The following PLAC8 variants were observed in gnomAD, a reference collection of about 807,000 sequenced individuals.
The protein encoded by PLAC8 is placenta associated 8, also known as placenta-specific gene 8 protein.
PLAC8 carries 6 observed loss-of-function variants against 12.6 expected under a neutral mutation model. The observed-to-expected ratio is 0.48, with a 90% confidence interval of 0.26 to 0.94. The LOEUF (loss-of-function observed/expected upper bound fraction) is 0.94. Among genes scored for constraint, PLAC8 ranks in the 40% least tolerant of loss-of-function variants. The pLI, the probability that PLAC8 is intolerant of heterozygous loss-of-function variation, is 0.14. For missense variants in PLAC8, 122 were observed against 152.7 expected, an observed-to-expected ratio of 0.80 and a Z score of 1.06; for synonymous variants, 54 against 52.6, an observed-to-expected ratio of 1.03 and a Z score of -0.11.
chr4:83,101,213 A>T (rs750035322), intron 3 of PLAC8, among the ~76,000 whole-genome samples: 1 of 152,140 alleles, frequency 6.6e-6, no homozygotes, highest in South Asian at 2.1e-4. Context: ...TCCCGTCTCT[A>T]CTAAAAATAC....
intron 1 of PLAC8, chr4:83,109,720 C>T (rs1451586758): frequency 1.3e-5 from 2 of 152,164 alleles, no homozygotes; most frequent in Non-Finnish European, 2.9e-5. Flanking sequence ...GGTGGGTGGG[C>T]TTCTTACCTT....
intron 1 of PLAC8, among the ~76,000 whole-genome samples, chr4:83,109,084 G>C (rs1164695167): frequency 1.3e-5 from 2 of 152,130 alleles, no homozygotes; most frequent in African/African-American, 4.8e-5. Context: ...ATTAGATTCG[G>C]AGTGAGAGCA....
intron 2 of PLAC8, among the ~76,000 whole-genome samples, chr4:83,106,928 G>A (rs747533840): frequency 7.2e-5 from 11 of 152,132 alleles, no homozygotes; most frequent in Non-Finnish European, 1.5e-5. Context: ...GCCTGGGTGC[G>A]GTGGCTCACG....
intron 3 of PLAC8, among the ~76,000 whole-genome samples, chr4:83,098,394 A>T (rs1166414137): frequency 2.0e-5 from 3 of 152,224 alleles, no homozygotes; most frequent in African/African-American, 4.8e-5. Flanking sequence ...TTTTCTTAGA[A>T]AATGGATCTT....
intron 2 of PLAC8, among the ~76,000 whole-genome samples, chr4:83,106,137 C>T (rs1732234000): frequency 6.6e-6 from 1 of 151,856 alleles, no homozygotes; most frequent in Non-Finnish European, 1.5e-5. Context: ...GTAGCTGGGA[C>T]TACAGGCACC....
intron 3 of PLAC8, among the ~76,000 whole-genome samples, chr4:83,101,224 A>C (rs1732092951): frequency 6.6e-6 from 1 of 152,104 alleles, no homozygotes; most frequent in African/African-American, 2.4e-5. Flanking sequence ...CTAAAAATAC[A>C]AAAAAATTAG....
intron 3 of PLAC8, among the ~76,000 whole-genome samples, chr4:83,101,947 C>T (rs2126141781): frequency 6.6e-6 from 1 of 152,258 alleles, no homozygotes; most frequent in East Asian, 1.9e-4. Flanking sequence ...CCTATACTCA[C>T]AAAGAAAGAT....
intron 1 of PLAC8, among the ~76,000 whole-genome samples, chr4:83,109,475 G>T (rs1253900810): frequency 6.6e-6 from 1 of 152,224 alleles, no homozygotes; most frequent in Non-Finnish European, 1.5e-5. Flanking sequence ...AAACCAGGGG[G>T]TCCGGCTGAG....
intron 1 of PLAC8, among the ~76,000 whole-genome samples, chr4:83,113,072 A>G (rs1732459769): frequency 6.6e-6 from 1 of 152,216 alleles, no homozygotes; most frequent in Non-Finnish European, 1.5e-5. Context: ...GAATCTGTAC[A>G]ATGTAGAATT....
At chr4:83,101,425 A>G (rs1578739465) in intron 3 of PLAC8, among the ~76,000 whole-genome samples, 1 of 152,330 alleles carries the variant, frequency 6.6e-6, no homozygotes, top group South Asian at 2.1e-4. Flanking sequence ...CTGCAAAAGA[A>G]AAGTCTGAAG....
chr4:83,103,912 C>G (rs1022247750), intron 3 of PLAC8, among the ~76,000 whole-genome samples: 1 of 152,148 alleles, frequency 6.6e-6, no homozygotes, highest in African/African-American at 2.4e-5. Flanking sequence ...AAGTGATCAG[C>G]CCTCCTGGGC....
intron 3 of PLAC8, 36 bp downstream of exon 3, chr4:83,104,860 G>A: frequency 6.2e-7 from 1 of 1,603,640 alleles, no homozygotes; most frequent in Non-Finnish European, 8.5e-7. Flanking sequence ...TGAATGGGGT[G>A]CATATTTGAG....
At chr4:83,106,479 G>A (rs1279355876) in intron 2 of PLAC8, among the ~76,000 whole-genome samples, 1 of 151,896 alleles carries the variant, frequency 6.6e-6, no homozygotes, top group African/African-American at 2.4e-5. Context: ...TTGGCTGGGT[G>A]TGGTTGTGCG....
chr4:83,112,793 A>T (rs1326574935), intron 1 of PLAC8, among the ~76,000 whole-genome samples: 1 of 152,220 alleles, frequency 6.6e-6, no homozygotes, highest in Non-Finnish European at 1.5e-5. Flanking sequence ...CAAATGTAAA[A>T]TTGTTGCTTG....
chr4:83,105,163 A>G, intron 2 of PLAC8, 143 bp from the exon 3 acceptor site: 1 of 895,214 alleles, frequency 1.1e-6, no homozygotes, highest in Non-Finnish European at 1.8e-6. Flanking sequence ...CAATGTTTCT[A>G]TTCAGCTTTG....
intron 1 of PLAC8, among the ~76,000 whole-genome samples, chr4:83,108,403 G>A (rs1378390855): frequency 6.6e-6 from 1 of 152,112 alleles, no homozygotes; most frequent in East Asian, 1.9e-4. Flanking sequence ...GACCAGCCTG[G>A]CCAGTATGGC....
chr4:83,098,297 A>T (rs995925489), intron 3 of PLAC8, among the ~76,000 whole-genome samples: 16 of 152,252 alleles, frequency 1.1e-4, no homozygotes, highest in African/African-American at 3.1e-4. Flanking sequence ...GCTAAAAAAA[A>T]TTATTTAGCA....
intron 3 of PLAC8, among the ~76,000 whole-genome samples, chr4:83,100,916 C>T (rs1465533568): frequency 1.3e-5 from 2 of 152,142 alleles, no homozygotes; most frequent in Non-Finnish European, 2.9e-5. Flanking sequence ...CATGCTACTC[C>T]GGTGAACATA....
intron 1 of PLAC8, among the ~76,000 whole-genome samples, chr4:83,108,186 C>T (rs1177622496): frequency 1.3e-5 from 2 of 150,966 alleles, no homozygotes; most frequent in Admixed American, 6.6e-5. Context: ...CTTTAAAGGC[C>T]CACTTTAGGG....
Sources: gnomAD v4.1 joint callset for allele counts (sites outside exome capture counted in the v4.1 genomes callset) on GRCh38, gnomAD v4.1.1 for gene constraint, MANE v1.5 for transcripts, NCBI Gene and HGNC (gene_info 2026-07-23, HGNC 2026-07-21) for gene names.